MKS1: variants seen among roughly 807,000 people sequenced by gnomAD.
MKS1 encodes MKS transition zone complex subunit 1.
A neutral mutation model predicts 83.7 loss-of-function variants in MKS1; 70 were observed. The observed-to-expected ratio is 0.84, with a 90% CI of 0.69 to 1.02. MKS1 has a LOEUF of 1.02. Among genes scored for constraint, MKS1 ranks in the 50% least tolerant of loss-of-function variants. The pLI is 0.00. For missense variants in MKS1, 681 were observed against 726.9 expected, an observed-to-expected ratio of 0.94 and a Z score of 0.73; for synonymous variants, 251 against 273.4, an observed-to-expected ratio of 0.92 and a Z score of 0.81.
At chr17:58,214,430 A>T (rs368318031) in intron 5 of MKS1, 43 bp from the exon 6 acceptor site, 2 of 1,611,984 alleles carry the variant, frequency 1.2e-6, no homozygotes, top group Non-Finnish European at 1.7e-6. Flanking sequence ...GCACACCCCA[A>T]TGGAGCACCC....
chr17:58,206,569 G>A, intron 15 of MKS1, 22 bp from the exon 16 acceptor site: 2 of 1,603,422 alleles, frequency 1.2e-6, no homozygotes, highest in Non-Finnish European at 1.7e-6. Flanking sequence ...CATTGGGACA[G>A]CCTCAGGTTT....
Position 58,206,153 on chromosome 17 carries a change from G to C in MKS1, c.1606C>G (p.Arg536Gly). 6.2e-7 allele frequency: 1 copy of C among 1,613,802 alleles called. No homozygotes were observed. Residue 536 changes from arginine (R) to glycine (G), a missense_variant, in exon 18 of 18, where the codon CGG (arginine) becomes GGG (glycine). Around this residue, in one of 3 missense-constraint regions of MKS1, gnomAD observed 310 missense variants for 321.7 expected, o/e 0.96. Coordinates refer to ENST00000393119, the MANE Select transcript of MKS1 (RefSeq NM_017777.4). ...TCCCGGGCCTCCTGCATGCGGCGCC[G>C]GGCTCGACGGAAGGCCTCTGTAAGG... ...HNVLEAFRRARRRMQEARESL... is the reference protein window; with the variant it reads ...HNVLEAFRRAGRRMQEARESL...
intron 9 of MKS1, 62 bp from the exon 10 acceptor site, chr17:58,211,084 A>C: frequency 6.4e-7 from 1 of 1,558,700 alleles, no homozygotes. Context: ...CTTCTCCTCC[A>C]GCCCCATCTA....
At chr17:58,211,875 T>A (rs2143785418) in intron 9 of MKS1, among the ~76,000 whole-genome samples, 1 of 152,230 alleles carries the variant, frequency 6.6e-6, no homozygotes, top group Admixed American at 6.5e-5. Context: ...CTATATTTTT[T>A]AAGAGCCAAA....
chr17:58,215,278 T>A lies in MKS1; in HGVS notation c.418-440A>T, dbSNP rs540976082. On this transcript the variant is annotated intron_variant, in intron 4 of 17. Transcript: ENST00000393119. ...CCCAAATTTTATTTAATTTATATATTTTTTTAAGAGACAGGGTCTCACCCA... is the reference window on the plus strand; with the variant it reads ...CCCAAATTTTATTTAATTTATATATATTTTTAAGAGACAGGGTCTCACCCA... Among the ~76,000 whole-genome samples, 19 of 152,240 alleles carry A rather than the reference T, an allele frequency of 1.2e-4. No homozygotes were observed. The Middle Eastern group carries it at 0.01, about 82-fold the overall frequency.
Position 58,205,524 on chromosome 17 carries a change from G to A in MKS1, c.*555C>T, listed in dbSNP as rs1045619. On this transcript the variant is annotated 3_prime_UTR_variant, in exon 18 of 18. Coordinates refer to ENST00000393119, the MANE Select transcript of MKS1 (RefSeq NM_017777.4). ...AGTAAAAGATACCACCCAGCTAGCA[G>A]AAAGGACTCAGCACTGCCTTCAGCC... The A allele has an allele frequency of 7.7e-7, 1 of 1,294,056 alleles. No individual in the cohort carries two copies. The highest frequency in any genetic ancestry group is 1.3e-5 in the South Asian group (1 of 78,926). The allele number at this position is 1,294,056 out of a possible 1,614,324, so 80.2% of individuals were successfully genotyped here.
rs1284426490 is a variant in MKS1 at position 58,219,239 on chromosome 17, C to T, written c.-9G>A. 1 of 1,550,002 alleles carries T rather than the reference C, an allele frequency of 6.5e-7. No individual in the cohort carries two copies. The highest frequency in any genetic ancestry group is 1.2e-5 in the South Asian group (1 of 84,044). On this transcript the variant is annotated 5_prime_UTR_variant, in exon 1 of 18. Coordinates refer to ENST00000393119, the MANE Select transcript of MKS1 (RefSeq NM_017777.4). ...CAGACGGTCTCCGCCATGACAGCTG[C>T]GACGCGCCGCGACTGCGCCGGAAAG...
rs1372037117 is a variant in MKS1 at position 58,213,652 on chromosome 17, T to C, written c.749+113A>G. 4 of 823,156 alleles carry C rather than the reference T, an allele frequency of 4.9e-6. No homozygotes were observed. The African/African-American group carries it at 5.0e-5, about 10-fold the overall frequency. 51.0% of individuals were successfully genotyped at this position (823,156 alleles called of 1,614,324 possible). Reference sequence around the variant, plus strand: ...CAGAATACGAACCATTGCCTGGGAATGTAAAAGTTAGAACAGATGAAGGAC... The same window carrying C: ...CAGAATACGAACCATTGCCTGGGAACGTAAAAGTTAGAACAGATGAAGGAC... On this transcript the variant is annotated intron_variant, in intron 7 of 17. Transcript: ENST00000393119.
chr17:58,211,248 A>ATTTTGGG (rs1968857795), intron 9 of MKS1: 1 of 567,928 alleles, frequency 1.8e-6, no homozygotes, highest in East Asian at 3.1e-5. Context: ...CAGTGAGGAC[A>ATTTTGGG]ATGCACTATG....
At chr17:58,215,715 T>A (rs925022966) in intron 4 of MKS1, 3 of 305,732 alleles carry the variant, frequency 9.8e-6, no homozygotes, top group African/African-American at 4.3e-5. Flanking sequence ...ATACTCAGAG[T>A]TTGGGCTGAA....
At chr17:58,207,043 C>T in intron 15 of MKS1, 42 bp downstream of exon 15, 2 of 1,613,876 alleles carry the variant, frequency 1.2e-6, no homozygotes, top group Non-Finnish European at 1.7e-6. Flanking sequence ...AGGACAGGAC[C>T]ATAAGTTCTC....
chr17:58,215,393 G>A (rs1175832047), intron 4 of MKS1, among the ~76,000 whole-genome samples: 2 of 152,242 alleles, frequency 1.3e-5, no homozygotes, highest in Admixed American at 6.5e-5. Flanking sequence ...CCACGTAGCC[G>A]GGACTACAGG....
rs1283440166 is a variant in MKS1 at position 58,209,769 on chromosome 17, A to G, written c.1024+890T>C. On this transcript the variant is annotated intron_variant, in intron 11 of 17. Coordinates refer to ENST00000393119, the MANE Select transcript of MKS1 (RefSeq NM_017777.4). The surrounding 1 kb of genome is among the most constrained non-coding windows in gnomAD (Gnocchi z 4.1). ...GAAGCTGTTGGGGTTTTCAGCTCAA[A>G]AGGGACATAACTTGTTTACATTTTT... 6.6e-6 allele frequency among the ~76,000 whole-genome samples: 1 copy of G among 152,198 alleles called. No homozygotes were observed. Among genetic ancestry groups the G allele is most frequent in the Non-Finnish European group, 1.5e-5 (1 of 68,044 alleles).
In MKS1 at chr17:58,218,698, A is replaced by AG. The variant is rs1382382001; in HGVS notation, c.111dup (p.Phe38LeufsTer21). On this transcript the variant is annotated frameshift_variant, in exon 2 of 18. Transcript: ENST00000393119. LOFTEE classifies it high-confidence loss of function. ...TCGGCAGCAGGCTGATAATGAAGAAAGTTGCTTGATGTGATTCTTTGCAGG... is the reference window on the plus strand; with the variant it reads ...TCGGCAGCAGGCTGATAATGAAGAAAGGTTGCTTGATGTGATTCTTTGCAGG... 1 of 1,614,048 alleles carries AG rather than the reference A, an allele frequency of 6.2e-7. No individual in the cohort carries two copies. Among genetic ancestry groups the AG allele is most frequent in the Non-Finnish European group, 8.5e-7 (1 of 1,179,956 alleles).
In MKS1 at chr17:58,208,388, A is replaced by C. The variant is rs190934253; in HGVS notation, c.1095+125T>G. 145 of 1,195,392 alleles carry C rather than the reference A, an allele frequency of 1.2e-4. 1 individual carries two copies. In the East Asian group the frequency reaches 2.7e-3, roughly 22 times the overall value. The allele number at this position is 1,195,392 out of a possible 1,614,324, so 74.0% of individuals were successfully genotyped here. A position where few individuals can be genotyped will look rare whatever the true frequency, so the allele number is the denominator to read the frequency against. On this transcript the variant is annotated intron_variant, in intron 12 of 17. Transcript: ENST00000393119. ...CGGACCAGGTGGCCCTGTAGAACCC[A>C]CACACAAGTCACCCAACTCTGGAAT...
At chr17:58,213,943 G>T in intron 6 of MKS1, 74 bp from the exon 7 acceptor site, 1 of 1,266,684 alleles carries the variant, frequency 7.9e-7, no homozygotes, top group Non-Finnish European at 1.2e-6. Flanking sequence ...TGAGCCCACT[G>T]CAGGGGAGAG....
chr17:58,206,609 C>T, intron 15 of MKS1, 62 bp from the exon 16 acceptor site: 1 of 1,464,624 alleles, frequency 6.8e-7, no homozygotes, highest in Non-Finnish European at 9.5e-7. Context: ...CCGCACCATG[C>T]TGGCCTCACC....
rs557644685 is a variant in MKS1 at position 58,206,601 on chromosome 17, G to A, written c.1408-54C>T. 1.6e-4 allele frequency: 249 copies of A among 1,517,008 alleles called. 2 individuals carry two copies. In the South Asian group the frequency reaches 1.6e-3, roughly 10 times the overall value. The allele number at this position is 1,517,008 out of a possible 1,614,324, so 94.0% of individuals were successfully genotyped here. ...GTTTCTGCTCTCTCTAGACACCCCCGCACCATGCTGGCCTCACCCCCATTC... is the reference window on the plus strand; with the variant it reads ...GTTTCTGCTCTCTCTAGACACCCCCACACCATGCTGGCCTCACCCCCATTC... On this transcript the variant is annotated intron_variant, in intron 15 of 17. Transcript: ENST00000393119.
rs1439633228 is a variant in MKS1, at chr17:58,207,993, G to C, written c.1174C>G (p.Pro392Ala). 6.2e-7 allele frequency: 1 copy of C among 1,614,070 alleles called. No individual in the cohort carries two copies. The highest frequency in any genetic ancestry group is 1.7e-5 in the Admixed American group (1 of 60,026). Reference protein sequence around the residue: ...LHEDESSDALPEWPVLYCEVL... With the variant: ...LHEDESSDALAEWPVLYCEVL... ...TCACAGTAGAGCACAGGCCACTCCG[G>C]GAGTGCATCTGGGAGCAAGGAGAGA... The change falls in exon 14 of 18, where the codon CCG becomes GCG. Residue 392 changes from proline to alanine, a missense_variant. By Grantham distance (27) the Pro-to-Ala change is conservative (BLOSUM62 -1). Around this residue, in one of 3 missense-constraint regions of MKS1, gnomAD observed 310 missense variants for 321.7 expected, o/e 0.96. Coordinates refer to ENST00000393119, the MANE Select transcript of MKS1 (RefSeq NM_017777.4).
Sources: gnomAD v4.1 joint callset for allele counts (sites outside exome capture counted in the v4.1 genomes callset) on GRCh38, gnomAD v4.1.1 for gene constraint, gnomAD v4.1.1 regional missense constraint, Gnocchi (gnomAD v3.1) non-coding constraint, MANE v1.5 for transcripts, NCBI Gene and HGNC (gene_info 2026-07-23, HGNC 2026-07-21) for gene names.